The following SEC63 variants were observed in gnomAD, a reference collection of about 807,000 sequenced individuals.
SEC63 encodes the protein SEC63 protein translocation regulator, also known as translocation protein SEC63 homolog.
In SEC63, 56 loss-of-function variants were observed where a neutral mutation model predicts 116.2. The observed-to-expected ratio is 0.48, with a 90% CI of 0.39 to 0.60. The LOEUF (loss-of-function observed/expected upper bound fraction) is 0.60, where lower values mean the gene tolerates loss of function less well. Among genes scored for constraint, SEC63 ranks in the 20% least tolerant of loss-of-function variants. The pLI is 0.00. For synonymous variants in SEC63, 273 were observed against 294.6 expected (o/e 0.93, Z 0.75); for missense variants, 668 against 900.0 (o/e 0.74, Z 3.30).
intron 16 of SEC63, among the ~76,000 whole-genome samples, chr6:107,891,697 T>C (rs1372706012): frequency 6.6e-6 from 1 of 152,222 alleles, no homozygotes; most frequent in African/African-American, 2.4e-5. Context: ...TGCGTGGATT[T>C]ATCTACCTTT....
At chr6:107,934,959 T>C (rs1214456690) in intron 1 of SEC63, among the ~76,000 whole-genome samples, 52 of 76,126 alleles carry the variant, frequency 6.8e-4, no homozygotes, top group African/African-American at 2.3e-3. Context: ...GTCAGCCCCC[T>C]GCCCGGCCAG....
intron 10 of SEC63, 29 bp from the exon 11 acceptor site, chr6:107,904,750 A>G (rs1386861365): frequency 1.3e-6 from 2 of 1,502,406 alleles, no homozygotes; most frequent in African/African-American, 2.8e-5. Context: ...CCTGAAACAG[A>G]TCATTTTAAT....
intron 18 of SEC63, among the ~76,000 whole-genome samples, chr6:107,879,110 C>T (rs1160578061): frequency 6.6e-6 from 1 of 152,124 alleles, no homozygotes; most frequent in African/African-American, 2.4e-5. Context: ...GTAAGAAACA[C>T]GGAAATGTAG....
chr6:107,876,731 A>C (rs1786284158), intron 18 of SEC63, 69 bp from the exon 19 acceptor site: 1 of 1,103,530 alleles, frequency 9.1e-7, no homozygotes. Context: ...GAAAGAATAT[A>C]ATTTTGGCCT....
At chr6:107,917,718 C>G (rs955702470) in intron 4 of SEC63, among the ~76,000 whole-genome samples, 2 of 152,188 alleles carry the variant, frequency 1.3e-5, no homozygotes, top group Non-Finnish European at 2.9e-5. Flanking sequence ...CCACAATGTT[C>G]CCTTAAACCA....
At chr6:107,955,153 C>A (rs547195424) in intron 1 of SEC63, among the ~76,000 whole-genome samples, 1 of 152,278 alleles carries the variant, frequency 6.6e-6, no homozygotes, top group Admixed American at 6.5e-5. Flanking sequence ...ATGCTCTACC[C>A]TCAGTTTCTT....
At chr6:107,957,786 C>A in intron 1 of SEC63, 100 bp downstream of exon 1, 1 of 1,266,410 alleles carries the variant, frequency 7.9e-7, no homozygotes, top group East Asian at 3.4e-5. Context: ...CCCTGTCATC[C>A]CGGACGCCGC....
intron 1 of SEC63, among the ~76,000 whole-genome samples, chr6:107,953,286 G>A (rs545026968): frequency 2.0e-5 from 3 of 152,336 alleles, no homozygotes; most frequent in African/African-American, 7.2e-5. Context: ...TATATATGCT[G>A]TTGTGTTTCC....
intron 16 of SEC63, among the ~76,000 whole-genome samples, chr6:107,890,783 G>A (rs555667308): frequency 2.6e-5 from 4 of 152,116 alleles, no homozygotes; most frequent in African/African-American, 2.4e-5. Context: ...AAATCCCTCC[G>A]CATTTCCTTG....
Position 107,870,390 on chromosome 6 carries a change from CT to C in SEC63, c.*1313del. The C allele has an allele frequency of 6.5e-6, 1 of 152,690 alleles. No individual in the cohort carries two copies. The highest frequency in any genetic ancestry group is 2.1e-4 in the South Asian group (1 of 4,822). 9.5% of individuals were successfully genotyped at this position (152,690 alleles called of 1,614,324 possible). A position where few individuals can be genotyped will look rare whatever the true frequency, so the allele number is the denominator to read the frequency against. ...AGTATTCTGCACTGAAAGTGGCAAC[CT>C]TTTAAAGTAAACAAGGTTGCAAATT... On this transcript the variant is annotated 3_prime_UTR_variant, in exon 21 of 21. Coordinates refer to ENST00000369002, the MANE Select transcript of SEC63 (RefSeq NM_007214.5).
chr6:107,923,090 T>C (rs900594571), intron 3 of SEC63, among the ~76,000 whole-genome samples: 17 of 152,208 alleles, frequency 1.1e-4, no homozygotes, highest in Admixed American at 1.1e-3. Flanking sequence ...TATATTTTTA[T>C]AAAAGGCTAG....
In SEC63 at chr6:107,913,408, G is replaced by A. The variant is rs1787330205; in HGVS notation, c.472C>T (p.Arg158Trp). The change falls in exon 5 of 21, where the codon CGG (arginine) becomes TGG (tryptophan). Residue 158 changes from arginine (R) to tryptophan (W), a missense_variant. Physicochemically the swap from Arg to Trp is moderately radical, Grantham distance 101 (BLOSUM62 -3). Around this residue, in one of 5 missense-constraint regions of SEC63, gnomAD observed 10 missense variants for 39.6 expected, o/e 0.25. Coordinates refer to ENST00000369002, the MANE Select transcript of SEC63 (RefSeq NM_007214.5). Reference protein sequence around the residue: ...AYAALTDEESRKNWEEFGNPD... With the variant: ...AYAALTDEESWKNWEEFGNPD... ...TTTCCAAATTCTTCCCAATTTTTCC[G>A]GGACTCTTCATCCGTTAAACTAGCA... 4 of 1,612,712 alleles carry A rather than the reference G, an allele frequency of 2.5e-6. No homozygotes were observed. The highest frequency in any genetic ancestry group is 3.4e-6 in the Non-Finnish European group (4 of 1,179,072).
intron 4 of SEC63, among the ~76,000 whole-genome samples, chr6:107,917,528 C>A (rs908106070): frequency 1.5e-4 from 23 of 152,210 alleles, no homozygotes; most frequent in African/African-American, 5.5e-4. Flanking sequence ...GTGAAGAAGG[C>A]ATGTCAAAAG....
intron 9 of SEC63, 33 bp from the exon 10 acceptor site, chr6:107,906,613 GCTTTTTTTAA>G: frequency 1.2e-6 from 2 of 1,606,588 alleles, no homozygotes; most frequent in Non-Finnish European, 8.5e-7. Flanking sequence ...TCAAAAACAC[GCTTTTTTTAA>G]AAAAAGTATT....
At chr6:107,921,361 G>T (rs1347196973) in intron 4 of SEC63, among the ~76,000 whole-genome samples, 1 of 151,998 alleles carries the variant, frequency 6.6e-6, no homozygotes, top group Non-Finnish European at 1.5e-5. Context: ...GTGCTGCTGT[G>T]TAGCCCCTAA....
chr6:107,889,545 GATTC>G (rs962076056), intron 16 of SEC63, among the ~76,000 whole-genome samples: 4 of 151,856 alleles, frequency 2.6e-5, no homozygotes, highest in African/African-American at 9.7e-5. Flanking sequence ...TAGCTCCTTG[GATTC>G]ATTGATTTTT....
chr6:107,914,545 C>T (rs1344143408), intron 4 of SEC63, among the ~76,000 whole-genome samples: 1 of 151,926 alleles, frequency 6.6e-6, no homozygotes, highest in African/African-American at 2.4e-5. Context: ...GTCTTTAATC[C>T]TTATTTAATT....
intron 1 of SEC63, among the ~76,000 whole-genome samples, chr6:107,950,575 G>A (rs1437006405): frequency 4.6e-5 from 7 of 152,110 alleles, no homozygotes; most frequent in African/African-American, 1.2e-4. Context: ...TTCTCTGACC[G>A]TAACAGATGA....
intron 12 of SEC63, among the ~76,000 whole-genome samples, chr6:107,902,586 T>G (rs926040233): frequency 6.6e-6 from 1 of 152,076 alleles, no homozygotes; most frequent in Non-Finnish European, 1.5e-5. Flanking sequence ...TAACATAATA[T>G]AAGGAACTAA....
Sources: allele counts gnomAD v4.1 joint callset (sites outside exome capture counted in the v4.1 genomes callset), GRCh38; gene constraint gnomAD v4.1.1; regional missense constraint gnomAD v4.1.1; transcripts MANE v1.5; gene names NCBI Gene and HGNC (gene_info 2026-07-23, HGNC 2026-07-21).